WDR41: variants seen among roughly 807,000 people sequenced by gnomAD.
The protein encoded by WDR41 is WD repeat domain 41.
In WDR41, 63 loss-of-function variants were observed where a neutral mutation model predicts 69.3. That is an observed-to-expected ratio of 0.91 (90% CI 0.74 to 1.12). The LOEUF is 1.12. WDR41 is among the 50% of genes most tolerant of loss of function. WDR41 has a pLI of 0.00. For missense variants in WDR41, 543 were observed against 534.5 expected (o/e 1.02, Z -0.16); for synonymous variants, 185 against 192.1 (o/e 0.96, Z 0.31).
chr5:77,547,916 T>G (rs565617323), intron 1 of WDR41, among the ~76,000 whole-genome samples: 105 of 152,240 alleles, frequency 6.9e-4, no homozygotes, highest in Non-Finnish European at 1.1e-3. Context: ...AACAGCATGG[T>G]ACTGGTATAA....
chr5:77,478,414 C>G (rs1051872098), intron 2 of WDR41, among the ~76,000 whole-genome samples: 4 of 152,090 alleles, frequency 2.6e-5, no homozygotes, highest in African/African-American at 9.7e-5. Flanking sequence ...AACACTGATG[C>G]AAAAATCCTC....
At chr5:77,523,303 C>CAA (rs373426917) in intron 1 of WDR41, among the ~76,000 whole-genome samples, 8 of 134,496 alleles carry the variant, frequency 5.9e-5, no homozygotes, top group South Asian at 4.6e-4. Context: ...CAGACTCCAT[C>CAA]AAAAAAAAAA....
intron 2 of WDR41, among the ~76,000 whole-genome samples, chr5:77,470,365 A>C (rs1312239405): frequency 3.9e-5 from 6 of 152,198 alleles, no homozygotes; most frequent in Non-Finnish European, 8.8e-5. Context: ...AAGAAACTGC[A>C]TCAACTAACA....
At chr5:77,558,658 T>G (rs2112253940) in intron 1 of WDR41, among the ~76,000 whole-genome samples, 1 of 152,352 alleles carries the variant, frequency 6.6e-6, no homozygotes, top group East Asian at 1.9e-4. Context: ...AATAAGTTTA[T>G]TTCTAACAAA....
intron 1 of WDR41, among the ~76,000 whole-genome samples, chr5:77,532,286 A>G (rs1305478923): frequency 1.3e-5 from 2 of 152,036 alleles, no homozygotes; most frequent in African/African-American, 2.4e-5. Flanking sequence ...GTTCAGGGGG[A>G]AAAATGGACA....
At chr5:77,475,896 C>G (rs1474614120) in intron 2 of WDR41, among the ~76,000 whole-genome samples, 3 of 151,864 alleles carry the variant, frequency 2.0e-5, no homozygotes, top group African/African-American at 7.3e-5. Context: ...ACATTCAAAC[C>G]AAAGGCAAAG....
chr5:77,598,204 C>G (rs1744258770), intron 1 of WDR41, among the ~76,000 whole-genome samples: 1 of 152,220 alleles, frequency 6.6e-6, no homozygotes, highest in Admixed American at 6.5e-5. Context: ...TCTATTCCAT[C>G]TACCTTTGAT....
intron 7 of WDR41, 110 bp from the exon 8 acceptor site, chr5:77,449,980 A>G (rs1799560664): frequency 4.2e-6 from 3 of 712,426 alleles, no homozygotes; most frequent in Non-Finnish European, 2.4e-6. Context: ...TACCATACTG[A>G]AAAACCCATC....
intron 1 of WDR41, among the ~76,000 whole-genome samples, chr5:77,600,777 G>A (rs1329074525): frequency 1.3e-5 from 2 of 152,108 alleles, no homozygotes; most frequent in East Asian, 3.8e-4. Flanking sequence ...CTACTCAGGA[G>A]GCTGAGGCAG....
At chr5:77,563,396 C>A (rs772009632) in intron 1 of WDR41, among the ~76,000 whole-genome samples, 2 of 152,130 alleles carry the variant, frequency 1.3e-5, no homozygotes, top group Admixed American at 1.3e-4. Flanking sequence ...CAAAACAGCA[C>A]TCCCCTACAC....
chr5:77,545,563 A>G (rs973194755), intron 1 of WDR41: 16 of 270,022 alleles, frequency 5.9e-5, no homozygotes, highest in Admixed American at 2.1e-4. Flanking sequence ...GATGCCCATC[A>G]CCAAGCTGGG....
At chr5:77,620,336 G>A in intron 1 of WDR41, 1 of 360,686 alleles carries the variant, frequency 2.8e-6, no homozygotes, top group Non-Finnish European at 5.4e-6. Context: ...GCATATTGCT[G>A]TAAGTCTCTT....
intron 1 of WDR41, among the ~76,000 whole-genome samples, chr5:77,592,482 G>T (rs1243245015): frequency 6.6e-6 from 1 of 151,936 alleles, no homozygotes; most frequent in Non-Finnish European, 1.5e-5. Context: ...ATTTGTGTCG[G>T]CAGATCTCCA....
chr5:77,566,388 C>T (rs747012204), intron 1 of WDR41, among the ~76,000 whole-genome samples: 18 of 152,146 alleles, frequency 1.2e-4, no homozygotes, highest in Non-Finnish European at 2.2e-4. Flanking sequence ...ATTGATACTA[C>T]ATAACCTTTT....
In WDR41 at chr5:77,582,623, T is replaced by A. The variant is rs1413533800; in HGVS notation, c.42+37856A>T. ...GCAAGAAAAGCTGGCAACTTCTATG[T>A]ACCTGCAGAACCCAAATTGGCGTTT... On this transcript the variant is annotated intron_variant, in intron 1 of 5. Coordinates refer to the WDR41 transcript ENST00000509971. 13 of 1,601,330 alleles carry A rather than the reference T, an allele frequency of 8.1e-6. No individual in the cohort carries two copies. The African/African-American group carries it at 1.7e-4, about 21-fold the overall frequency.
intron 1 of WDR41, among the ~76,000 whole-genome samples, chr5:77,538,440 C>A (rs1185204781): frequency 6.6e-6 from 1 of 152,066 alleles, no homozygotes; most frequent in Non-Finnish European, 1.5e-5. Flanking sequence ...TTCATTTCAC[C>A]CCTTGCCTCT....
chr5:77,543,551 G>A (rs935985123), intron 1 of WDR41, among the ~76,000 whole-genome samples: 2 of 152,006 alleles, frequency 1.3e-5, no homozygotes, highest in African/African-American at 2.4e-5. Flanking sequence ...GTGAAAGAAG[G>A]AAATTCAGAG....
At chr5:77,608,087 T>C (rs146646817) in intron 1 of WDR41, among the ~76,000 whole-genome samples, 24 of 152,308 alleles carry the variant, frequency 1.6e-4, no homozygotes, top group African/African-American at 5.3e-4. Context: ...ATTCTCCCCC[T>C]ACAAACCCTG....
chr5:77,616,015 A>AATT (rs1744675229), intron 1 of WDR41, among the ~76,000 whole-genome samples: 2 of 137,336 alleles, frequency 1.5e-5, no homozygotes, highest in East Asian at 2.0e-4. Flanking sequence ...ATAAATAAAT[A>AATT]AATTAATTAA....
Sources: gnomAD v4.1 joint callset for allele counts (sites outside exome capture counted in the v4.1 genomes callset) on GRCh38, gnomAD v4.1.1 for gene constraint, MANE v1.5 for transcripts, NCBI Gene and HGNC (gene_info 2026-07-23, HGNC 2026-07-21) for gene names.